The following THSD7B variants were observed in gnomAD, a reference collection of about 807,000 sequenced individuals.
THSD7B encodes thrombospondin type 1 domain containing 7B, also known as thrombospondin type-1 domain-containing protein 7B.
In THSD7B, 138 loss-of-function variants were observed where a neutral mutation model predicts 213.6. The ratio of observed to expected loss-of-function variants is 0.65; its 90% confidence interval spans 0.56 to 0.74. The LOEUF (loss-of-function observed/expected upper bound fraction) is 0.74. Ranked by LOEUF, THSD7B falls within the 30% of genes least tolerant of loss-of-function variation. The pLI, the probability that THSD7B is intolerant of heterozygous loss-of-function variation, is 0.00. For missense variants in THSD7B, 1,931 were observed against 1,991.5 expected, an observed-to-expected ratio of 0.97 and a Z score of 0.58; for synonymous variants, 742 against 687.0, an observed-to-expected ratio of 1.08 and a Z score of -1.25.
intron 4 of THSD7B, among the ~76,000 whole-genome samples, chr2:137,095,692 G>A (rs1250104292): frequency 6.6e-6 from 1 of 152,052 alleles, no homozygotes; most frequent in Admixed American, 6.6e-5. Flanking sequence ...TATATTAATA[G>A]CTACATTTTA....
chr2:136,919,882 C>A (rs1262911837), intron 2 of THSD7B, among the ~76,000 whole-genome samples: 1 of 152,204 alleles, frequency 6.6e-6, no homozygotes, highest in Non-Finnish European at 1.5e-5. Context: ...GGCATAGGGA[C>A]CGGCTCTGTG....
intron 2 of THSD7B, among the ~76,000 whole-genome samples, chr2:136,916,797 G>A (rs925198881): frequency 6.6e-6 from 1 of 152,136 alleles, no homozygotes; most frequent in African/African-American, 2.4e-5. Flanking sequence ...CATAGGTAGT[G>A]ATGGAGGAGG....
At chr2:137,038,474 C>G (rs571584171) in intron 2 of THSD7B, among the ~76,000 whole-genome samples, 35 of 152,292 alleles carry the variant, frequency 2.3e-4, no homozygotes, top group African/African-American at 7.9e-4. Flanking sequence ...CTTGGCCACT[C>G]ACAGGCATCA....
At chr2:137,487,392 A>AAAT (rs2105116116) in intron 15 of THSD7B, among the ~76,000 whole-genome samples, 1 of 143,242 alleles carries the variant, frequency 7.0e-6, no homozygotes, top group Admixed American at 6.8e-5. Flanking sequence ...AAAAAAAAAA[A>AAAT]AAAAAAAGAA....
chr2:137,523,790 C>G (rs1437832234), intron 15 of THSD7B, among the ~76,000 whole-genome samples: 1 of 152,138 alleles, frequency 6.6e-6, no homozygotes, highest in Non-Finnish European at 1.5e-5. Context: ...CTGGGGCACA[C>G]TCTTTTTTAA....
intron 2 of THSD7B, among the ~76,000 whole-genome samples, chr2:136,883,314 G>A (rs575473471): frequency 5.5e-5 from 8 of 145,414 alleles, no homozygotes; most frequent in African/African-American, 2.0e-4. Context: ...AAAAATGAAA[G>A]TGAATTATGC....
At chr2:137,314,468 C>T (rs1040683217) in intron 12 of THSD7B, among the ~76,000 whole-genome samples, 78 of 152,276 alleles carry the variant, frequency 5.1e-4, no homozygotes, top group African/African-American at 1.8e-3. Flanking sequence ...TCCCATAGCT[C>T]GGAGTAATTT....
chr2:137,558,616 A>C (rs920549707), intron 15 of THSD7B, among the ~76,000 whole-genome samples: 13 of 152,174 alleles, frequency 8.5e-5, no homozygotes, highest in African/African-American at 3.1e-4. Flanking sequence ...CATACTGAAT[A>C]GGCAAAAACT....
intron 1 of THSD7B, among the ~76,000 whole-genome samples, chr2:136,773,566 C>G (rs2104900180): frequency 6.6e-6 from 1 of 152,158 alleles, no homozygotes; most frequent in East Asian, 1.9e-4. Flanking sequence ...TAATGTGATG[C>G]TTTAGATCTT....
intron 5 of THSD7B, among the ~76,000 whole-genome samples, chr2:137,130,999 TG>T (rs1259848247): frequency 6.6e-6 from 1 of 150,856 alleles, no homozygotes; most frequent in African/African-American, 2.4e-5. Flanking sequence ...CCACCAACAG[TG>T]TAAAAGTGTT....
intron 17 of THSD7B, among the ~76,000 whole-genome samples, chr2:137,613,624 C>T (rs1682327213): frequency 6.6e-6 from 1 of 152,092 alleles, no homozygotes; most frequent in Non-Finnish European, 1.5e-5. Context: ...TAAAACTGGT[C>T]CAAAGTTGAC....
At chr2:137,476,892 T>A in intron 15 of THSD7B, among the ~76,000 whole-genome samples, 1 of 152,218 alleles carries the variant, frequency 6.6e-6, no homozygotes, top group African/African-American at 2.4e-5. Context: ...GATATGATCT[T>A]GATTTTTTAA....
chr2:137,405,091 G>T (rs1409390019), intron 12 of THSD7B, among the ~76,000 whole-genome samples: 1 of 151,000 alleles, frequency 6.6e-6, no homozygotes, highest in Admixed American at 6.6e-5. Context: ...AATTTTAACT[G>T]GTCCCTAAAA....
At chr2:137,544,579 A>G (rs1680672344) in intron 15 of THSD7B, among the ~76,000 whole-genome samples, 1 of 151,850 alleles carries the variant, frequency 6.6e-6, no homozygotes, top group African/African-American at 2.4e-5. Context: ...AGTAAGTACA[A>G]GAGATTTAGT....
intron 12 of THSD7B, among the ~76,000 whole-genome samples, chr2:137,315,713 A>C (rs940703053): frequency 6.6e-6 from 1 of 152,164 alleles, no homozygotes; most frequent in Non-Finnish European, 1.5e-5. Context: ...TTTAGATGGA[A>C]TATATTTAGG....
intron 10 of THSD7B, among the ~76,000 whole-genome samples, chr2:137,245,754 G>A (rs1682017155): frequency 6.6e-6 from 1 of 152,162 alleles, no homozygotes; most frequent in Non-Finnish European, 1.5e-5. Context: ...CAGGTGTTGT[G>A]TAAAGAGATA....
In THSD7B at chr2:137,504,742, G is replaced by T. The variant is rs143176319; in HGVS notation, c.3138+53719G>T. On this transcript the variant is annotated intron_variant, in intron 15 of 27. Transcript: ENST00000409968. Reference sequence around the variant, plus strand: ...GAGAGTGCTGCTTTGCTGATGAGGCGATATCCATATCTATTGGGTCAGTTT... The same window carrying T: ...GAGAGTGCTGCTTTGCTGATGAGGCTATATCCATATCTATTGGGTCAGTTT... Among the ~76,000 whole-genome samples the T allele has an allele frequency of 3.3e-3, 495 of 152,288 alleles. 3 individuals are homozygous for T. Among genetic ancestry groups the T allele is most frequent in the African/African-American group, 0.011 (465 of 41,548 alleles).
chr2:137,071,977 T>C (rs1687499420), intron 3 of THSD7B, among the ~76,000 whole-genome samples: 2 of 152,368 alleles, frequency 1.3e-5, no homozygotes, highest in East Asian at 3.9e-4. Context: ...ATCTCTGTTT[T>C]GGTACCAGTA....
chr2:137,201,386 T>C (rs1680871835), intron 7 of THSD7B, among the ~76,000 whole-genome samples: 1 of 152,186 alleles, frequency 6.6e-6, no homozygotes, highest in South Asian at 2.1e-4. Context: ...AGTGAACATG[T>C]AGTGCACATA....
Sources: allele counts gnomAD v4.1 joint callset (sites outside exome capture counted in the v4.1 genomes callset), GRCh38; gene constraint gnomAD v4.1.1; transcripts MANE v1.5; gene names NCBI Gene and HGNC (gene_info 2026-07-23, HGNC 2026-07-21).